The following TANC1 variants were observed in gnomAD, a reference collection of about 807,000 sequenced individuals.
TANC1 encodes tetratricopeptide repeat, ankyrin repeat and coiled-coil containing 1.
A neutral mutation model predicts 149.7 loss-of-function variants in TANC1; 77 were observed. The observed-to-expected ratio is 0.51, with a 90% CI of 0.43 to 0.62. TANC1 has a LOEUF of 0.62. TANC1 is among the 20% of genes least tolerant of loss of function. TANC1 has a pLI of 0.00. For synonymous variants in TANC1, 854 were observed against 925.0 expected (o/e 0.92, Z 1.39); for missense variants, 1,985 against 2,321.8 (o/e 0.85, Z 2.98).
intron 2 of TANC1, among the ~76,000 whole-genome samples, chr2:159,018,349 GC>G (rs1367262386): frequency 6.6e-6 from 1 of 152,182 alleles, no homozygotes; most frequent in Non-Finnish European, 1.5e-5. Context: ...TATGGGATGT[GC>G]CATATGTGGC....
chr2:159,188,926 G>T (rs1469352727), intron 16 of TANC1, among the ~76,000 whole-genome samples: 1 of 152,214 alleles, frequency 6.6e-6, no homozygotes, highest in Non-Finnish European at 1.5e-5. Context: ...TCTATAGGAT[G>T]AATCATTTAA....
intron 2 of TANC1, among the ~76,000 whole-genome samples, chr2:159,049,325 A>G (rs575331036): frequency 1.0e-4 from 7 of 66,806 alleles, no homozygotes; most frequent in Non-Finnish European, 2.1e-4. Flanking sequence ...GGTAGCCATT[A>G]CCATCCAAAC....
chr2:159,193,845 T>A lies in TANC1; in HGVS notation c.2743-412T>A, dbSNP rs539358423. Among the ~76,000 whole-genome samples, 654 of 147,664 alleles carry A rather than the reference T, an allele frequency of 4.4e-3. 4 individuals carry two copies. Among genetic ancestry groups the A allele is most frequent in the African/African-American group, 0.011 (460 of 40,540 alleles). On this transcript the variant is annotated intron_variant, in intron 16 of 26. Coordinates refer to ENST00000263635, the MANE Select transcript of TANC1 (RefSeq NM_033394.3). ...CTCTACTGACATTTTTAATTAAAAATTTTTTTTTTTTTAATTTTCACATCA... is the reference window on the plus strand; with the variant it reads ...CTCTACTGACATTTTTAATTAAAAAATTTTTTTTTTTTAATTTTCACATCA...
intron 16 of TANC1, among the ~76,000 whole-genome samples, chr2:159,187,404 T>C (rs890704906): frequency 6.6e-6 from 1 of 152,208 alleles, no homozygotes; most frequent in Non-Finnish European, 1.5e-5. Context: ...AAATTAAGCA[T>C]GGATGGGTGA....
rs1014627939 is a variant in TANC1, at chr2:159,231,594, C to G, written c.*582C>G. On this transcript the variant is annotated 3_prime_UTR_variant, in exon 27 of 27. Coordinates refer to ENST00000263635, the MANE Select transcript of TANC1 (RefSeq NM_033394.3). ...CCTAAGTATTCTCTTCATAGCAGTT[C>G]CTATAAAGGGATTAAACACTTATTT... 6.6e-6 allele frequency: 1 copy of G among 152,304 alleles called. No homozygotes were observed. The highest frequency in any genetic ancestry group is 2.4e-5 in the African/African-American group (1 of 41,370). The allele number at this position is 152,304 out of a possible 1,614,324, so 9.4% of individuals were successfully genotyped here. A position where few individuals can be genotyped will look rare whatever the true frequency, so the allele number is the denominator to read the frequency against.
intron 2 of TANC1, among the ~76,000 whole-genome samples, chr2:159,050,248 G>A (rs895462304): frequency 1.3e-5 from 2 of 152,104 alleles, no homozygotes; most frequent in African/African-American, 4.8e-5. Flanking sequence ...GTGACTACAG[G>A]CATGTGCCAC....
intron 2 of TANC1, among the ~76,000 whole-genome samples, chr2:159,049,994 G>A (rs1318907498): frequency 6.6e-6 from 1 of 152,192 alleles, no homozygotes; most frequent in Non-Finnish European, 1.5e-5. Flanking sequence ...ATTTTTCCAA[G>A]GATGATAGCA....
intron 1 of TANC1, among the ~76,000 whole-genome samples, chr2:158,977,343 C>G (rs1245928648): frequency 6.6e-6 from 1 of 151,736 alleles, no homozygotes; most frequent in Non-Finnish European, 1.5e-5. Flanking sequence ...TGGAAACTTT[C>G]TCTGTTGCCC....
chr2:159,118,147 G>A lies in TANC1; in HGVS notation c.260-18047G>A, dbSNP rs2048481669. Among the ~76,000 whole-genome samples the A allele has an allele frequency of 3.9e-5, 6 of 152,224 alleles. No individual in the cohort carries two copies. In the South Asian group the frequency reaches 1.0e-3, roughly 26 times the overall value. Reference sequence around the variant, plus strand: ...CCTGGCTTATCACTGTCTTGACTTCGATCACCTGGCCAACGTAGTGGGTGC... The same window carrying A: ...CCTGGCTTATCACTGTCTTGACTTCAATCACCTGGCCAACGTAGTGGGTGC... On this transcript the variant is annotated intron_variant, in intron 4 of 26. Transcript: ENST00000263635.
At chr2:159,187,927 CTGT>C (rs2057134598) in intron 16 of TANC1, among the ~76,000 whole-genome samples, 1 of 152,198 alleles carries the variant, frequency 6.6e-6, no homozygotes, top group African/African-American at 2.4e-5. Context: ...TGGGAAACAT[CTGT>C]TGAGTACAAG....
rs2035020372 is a variant in TANC1, at chr2:158,986,555, G to A, written c.-125-14525G>A. Reference sequence around the variant, plus strand: ...GATTTCCAGGCCCTGCCCCCAGGAGGTGCTTCAGTAGGCCTGTGGTGGGTT... The same window carrying A: ...GATTTCCAGGCCCTGCCCCCAGGAGATGCTTCAGTAGGCCTGTGGTGGGTT... On this transcript the variant is annotated intron_variant, in intron 1 of 26. Transcript: ENST00000263635. Among the ~76,000 whole-genome samples the A allele has an allele frequency of 2.0e-5, 3 of 152,306 alleles. No individual in the cohort carries two copies. The South Asian group carries it at 6.2e-4, about 32-fold the overall frequency.
chr2:159,163,585 A>G, intron 8 of TANC1, 39 bp downstream of exon 8: 1 of 1,590,392 alleles, frequency 6.3e-7, no homozygotes, highest in Non-Finnish European at 8.6e-7. Context: ...TATCTCAGGG[A>G]TACCAAGGTG....
rs111261101 is a variant in TANC1 at position 159,126,924 on chromosome 2, T to G, written c.260-9270T>G. Among the ~76,000 whole-genome samples the G allele has an allele frequency of 3.3e-3, 500 of 152,340 alleles. 2 individuals are homozygous for G. The highest frequency in any genetic ancestry group is 5.6e-3 in the Non-Finnish European group (383 of 68,032). On this transcript the variant is annotated intron_variant, in intron 4 of 26. Transcript: ENST00000263635. ...AAAATGAATTAATGCATTTCCATGC[T>G]TTCATATATAACAATTTTAGTACAG...
intron 4 of TANC1, among the ~76,000 whole-genome samples, chr2:159,105,119 C>T (rs1426616487): frequency 2.1e-5 from 3 of 141,832 alleles, no homozygotes; most frequent in African/African-American, 5.2e-5. Flanking sequence ...TTCAGCCTTC[C>T]GAGTAGCTGG....
At chr2:159,066,025 C>T (rs994668360) in intron 3 of TANC1, 54 bp downstream of exon 3, 2 of 1,395,524 alleles carry the variant, frequency 1.4e-6, no homozygotes, top group African/African-American at 2.8e-5. Flanking sequence ...GCAAGCTGCT[C>T]CTCACCCCAG....
In TANC1 at chr2:159,040,768, A is replaced by T. The variant is rs2149526132; in HGVS notation, c.-15-25128A>T. 2.0e-5 allele frequency among the ~76,000 whole-genome samples: 3 copies of T among 152,326 alleles called. No homozygotes were observed. In the South Asian group the frequency reaches 6.2e-4, roughly 32 times the overall value. The stretch of plus-strand genomic sequence containing the variant: ...TTTCTGAAGCCTACTTCTGTCAACT[A>T]GTCAAAGTCATTCTCCGTCCAGCTT... On this transcript the variant is annotated intron_variant, in intron 2 of 26. Transcript: ENST00000263635.
intron 19 of TANC1, among the ~76,000 whole-genome samples, chr2:159,207,714 A>AAC (rs1553611746): frequency 6.7e-6 from 1 of 149,502 alleles, no homozygotes; most frequent in African/African-American, 2.5e-5. Context: ...AAAAAAAAAA[A>AAC]AAAAAAAAAA....
chr2:159,069,534 A>G (rs1018950295), intron 3 of TANC1, among the ~76,000 whole-genome samples: 4 of 152,136 alleles, frequency 2.6e-5, no homozygotes, highest in African/African-American at 7.2e-5. Flanking sequence ...TCATATTACT[A>G]CTATTAAACA....
At chr2:159,084,303 C>A (rs549806266) in intron 3 of TANC1, among the ~76,000 whole-genome samples, 7 of 152,216 alleles carry the variant, frequency 4.6e-5, no homozygotes, top group South Asian at 2.1e-4. Context: ...CTAGCTCCCC[C>A]CCCAATACAG....
Sources: gnomAD v4.1 joint callset for allele counts (sites outside exome capture counted in the v4.1 genomes callset) on GRCh38, gnomAD v4.1.1 for gene constraint, MANE v1.5 for transcripts, NCBI Gene and HGNC (gene_info 2026-07-23, HGNC 2026-07-21) for gene names.